The following TOX variants were observed in gnomAD, a reference collection of about 807,000 sequenced individuals.
TOX encodes thymocyte selection-associated high mobility group box protein TOX.
In TOX, 11 loss-of-function variants were observed where a neutral mutation model predicts 53.7. That is an observed-to-expected ratio of 0.20 (90% CI 0.13 to 0.34). The LOEUF is 0.34. Ranked by LOEUF, TOX falls within the 10% of genes least tolerant of loss-of-function variation. The pLI is 1.00. For missense variants in TOX, 570 were observed against 664.6 expected, an observed-to-expected ratio of 0.86 and a Z score of 1.56; for synonymous variants, 225 against 245.3, an observed-to-expected ratio of 0.92 and a Z score of 0.77.
intron 3 of TOX, among the ~76,000 whole-genome samples, chr8:58,893,959 T>C (rs914680494): frequency 1.3e-5 from 2 of 152,200 alleles, no homozygotes; most frequent in African/African-American, 4.8e-5. Context: ...ATGAACTAGA[T>C]GTATTATTGT....
intron 3 of TOX, among the ~76,000 whole-genome samples, chr8:58,870,859 A>C (rs1811184573): frequency 6.6e-6 from 1 of 152,130 alleles, no homozygotes; most frequent in Non-Finnish European, 1.5e-5. Context: ...GAAAAGAAAG[A>C]AAAATAAAAA....
At chr8:58,947,272 T>G (rs2129177216) in intron 2 of TOX, among the ~76,000 whole-genome samples, 1 of 152,236 alleles carries the variant, frequency 6.6e-6, no homozygotes, top group East Asian at 1.9e-4. Flanking sequence ...TCTAGAACTC[T>G]CATAAAGAAT....
intron 1 of TOX, among the ~76,000 whole-genome samples, chr8:59,070,166 C>A (rs1804168053): frequency 6.6e-6 from 1 of 152,142 alleles, no homozygotes; most frequent in Non-Finnish European, 1.5e-5. Flanking sequence ...AATAAACTTA[C>A]AAGTGAATAA....
At chr8:58,868,553 A>G (rs1811140910) in intron 3 of TOX, among the ~76,000 whole-genome samples, 1 of 132,060 alleles carries the variant, frequency 7.6e-6, no homozygotes, top group Admixed American at 7.5e-5. Context: ...AAAGTTTTCA[A>G]AATCTGGGTC....
chr8:58,980,241 T>C (rs1813177334), intron 1 of TOX, among the ~76,000 whole-genome samples: 1 of 152,146 alleles, frequency 6.6e-6, no homozygotes, highest in African/African-American at 2.4e-5. Context: ...GACAATCTGA[T>C]AGAGGGAGAG....
intron 1 of TOX, among the ~76,000 whole-genome samples, chr8:58,966,395 A>G (rs1230440933): frequency 6.6e-6 from 1 of 152,212 alleles, no homozygotes; most frequent in East Asian, 1.9e-4. Context: ...TCAGGAGCAC[A>G]CAGAGCTGAA....
intron 1 of TOX, among the ~76,000 whole-genome samples, chr8:59,072,934 T>C (rs749920559): frequency 2.4e-4 from 37 of 152,208 alleles, no homozygotes; most frequent in Admixed American, 5.2e-4. Flanking sequence ...ACTTGTACTT[T>C]TAACACTTGC....
intron 1 of TOX, among the ~76,000 whole-genome samples, chr8:59,015,477 A>T (rs994266962): frequency 2.6e-5 from 4 of 152,246 alleles, no homozygotes; most frequent in Admixed American, 6.5e-5. Context: ...TTTGTCAAGA[A>T]TACATTATTG....
intron 5 of TOX, among the ~76,000 whole-genome samples, chr8:58,832,512 G>A (rs1478406589): frequency 1.3e-5 from 2 of 152,124 alleles, no homozygotes; most frequent in East Asian, 3.8e-4. Flanking sequence ...AAGATAAAGG[G>A]GAAAAAGAAA....
chr8:58,873,239 C>T (rs953886828), intron 3 of TOX, among the ~76,000 whole-genome samples: 2 of 152,066 alleles, frequency 1.3e-5, no homozygotes, highest in East Asian at 3.8e-4. Flanking sequence ...TTTGGAAAGA[C>T]TGACTAAAGA....
rs147072400 is a variant in TOX at position 58,903,538 on chromosome 8, A to G, written c.411+35764T>C. On this transcript the variant is annotated intron_variant, in intron 3 of 8. Transcript: ENST00000361421. ...AACAGCTGCTGCATTTTTGCCCCCA[A>G]TGGTATTTAGAATTGGACTCAGTTG... is the stretch of plus-strand genomic sequence containing the variant. 1.6e-4 allele frequency among the ~76,000 whole-genome samples: 24 copies of G among 152,300 alleles called. No individual in the cohort carries two copies. In the South Asian group the frequency reaches 1.7e-3, roughly 11 times the overall value.
At chr8:59,016,875 C>G (rs1052371962) in intron 1 of TOX, among the ~76,000 whole-genome samples, 3 of 152,220 alleles carry the variant, frequency 2.0e-5, no homozygotes, top group African/African-American at 7.2e-5. Flanking sequence ...TAAAATATTT[C>G]TACTTATGAC....
rs965693909 is a variant in TOX, at chr8:59,118,756, A to G, written c.102+130T>C. On this transcript the variant is annotated intron_variant, in intron 1 of 8. Coordinates refer to ENST00000361421, the MANE Select transcript of TOX (RefSeq NM_014729.3). The surrounding 1 kb of genome is among the most constrained non-coding windows in gnomAD (Gnocchi z 4.1). ...TACTACCCAAGCGCACGCAGGCTGCAGCGGGCTGCGAGCCGAGCGCGCCCG... is the reference window on the plus strand; with the variant it reads ...TACTACCCAAGCGCACGCAGGCTGCGGCGGGCTGCGAGCCGAGCGCGCCCG... 5.5e-5 allele frequency: 27 copies of G among 488,264 alleles called. No homozygotes were observed. The highest frequency in any genetic ancestry group is 1.4e-4 in the South Asian group (3 of 21,234). The allele number at this position is 488,264 out of a possible 1,614,324, so 30.2% of individuals were successfully genotyped here. A position where few individuals can be genotyped will look rare whatever the true frequency, so the allele number is the denominator to read the frequency against.
intron 3 of TOX, among the ~76,000 whole-genome samples, chr8:58,857,306 C>T (rs1246576511): frequency 6.6e-6 from 1 of 152,084 alleles, no homozygotes; most frequent in East Asian, 1.9e-4. Flanking sequence ...GCCTAATGAA[C>T]TTCATATTTT....
intron 1 of TOX, among the ~76,000 whole-genome samples, chr8:59,097,971 T>C (rs978549628): frequency 2.0e-5 from 3 of 151,876 alleles, no homozygotes; most frequent in African/African-American, 7.3e-5. Flanking sequence ...CTGAGATAAA[T>C]TACTTACGGC....
Position 58,851,639 on chromosome 8 carries a change from A to G in TOX, c.578T>C (p.Leu193Ser). ...NQSQLSAQLGLNMGGSNVPHN... is the reference protein window; with the variant it reads ...NQSQLSAQLGSNMGGSNVPHN... The stretch of plus-strand genomic sequence containing the variant: ...GGGAACATTGCTTCCTCCCATATTC[A>G]AACCAAGTTGAGCACTTAGCTGTGA... The change falls in exon 4 of 9, where the codon TTG (leucine) becomes TCG (serine). Residue 193 changes from leucine to serine, a missense_variant. Leu to Ser is a moderately radical substitution (Grantham distance 145). Around this residue, in one of 3 missense-constraint regions of TOX, gnomAD observed 282 missense variants for 315.0 expected, o/e 0.90. Coordinates refer to ENST00000361421, the MANE Select transcript of TOX (RefSeq NM_014729.3). The surrounding 1 kb of genome is among the most constrained non-coding windows in gnomAD (Gnocchi z 4.4). 6.2e-7 allele frequency: 1 copy of G among 1,613,612 alleles called. No homozygotes were observed. Among genetic ancestry groups the G allele is most frequent in the Non-Finnish European group, 8.5e-7 (1 of 1,179,806 alleles).
intron 5 of TOX, among the ~76,000 whole-genome samples, chr8:58,828,196 T>C (rs554812254): frequency 1.3e-5 from 2 of 152,322 alleles, no homozygotes; most frequent in East Asian, 3.9e-4. Flanking sequence ...AAATTCGAGA[T>C]GTGAGAAATA....
At chr8:59,044,749 TG>T (rs1393257966) in intron 1 of TOX, among the ~76,000 whole-genome samples, 3 of 152,242 alleles carry the variant, frequency 2.0e-5, no homozygotes, top group African/African-American at 4.8e-5. Context: ...GCGTAAAGAC[TG>T]GACAAAAGTT....
At chr8:59,024,452 A>C (rs969492518) in intron 1 of TOX, among the ~76,000 whole-genome samples, 1 of 152,220 alleles carries the variant, frequency 6.6e-6, no homozygotes, top group Non-Finnish European at 1.5e-5. Context: ...TAAGTGTCAA[A>C]GAAAATGGCC....
Sources: gnomAD v4.1 joint callset for allele counts (sites outside exome capture counted in the v4.1 genomes callset) on GRCh38, gnomAD v4.1.1 for gene constraint, gnomAD v4.1.1 regional missense constraint, Gnocchi (gnomAD v3.1) non-coding constraint, MANE v1.5 for transcripts, NCBI Gene and HGNC (gene_info 2026-07-23, HGNC 2026-07-21) for gene names.